ULK4: variants seen among roughly 807,000 people sequenced by gnomAD.
The protein encoded by ULK4 is inactive serine/threonine-protein kinase ULK4.
ULK4 carries 133 observed loss-of-function variants against 160.6 expected under a neutral mutation model. That is an observed-to-expected ratio of 0.83 (90% CI 0.72 to 0.96). The LOEUF (loss-of-function observed/expected upper bound fraction) is 0.96, where lower values mean the gene tolerates loss of function less well. ULK4 is among the 40% of genes least tolerant of loss of function. The pLI, the probability that ULK4 is intolerant of heterozygous loss-of-function variation, is 0.00. For missense variants in ULK4, 1,580 were observed against 1,499.5 expected, an observed-to-expected ratio of 1.05 and a Z score of -0.89; for synonymous variants, 534 against 539.8, an observed-to-expected ratio of 0.99 and a Z score of 0.15.
chr3:41,883,558 A>T lies in ULK4; in HGVS notation c.1656+316T>A, dbSNP rs565561541. Among the ~76,000 whole-genome samples, 14 of 152,386 alleles carry T rather than the reference A, an allele frequency of 9.2e-5. No homozygotes were observed. The East Asian group carries it at 2.7e-3, about 29-fold the overall frequency. On this transcript the variant is annotated intron_variant, in intron 17 of 36. Coordinates refer to ENST00000301831, the MANE Select transcript of ULK4 (RefSeq NM_017886.4). ...AATTGTAAGCTATGCTTTAACTAGG[A>T]AATACATTAGTCTGTTGGACAGACT...
intron 5 of ULK4, among the ~76,000 whole-genome samples, chr3:41,930,097 G>A (rs1373827327): frequency 6.6e-6 from 1 of 152,062 alleles, no homozygotes; most frequent in Non-Finnish European, 1.5e-5. Context: ...ATACTACAAG[G>A]CCACAGTAAC....
chr3:41,332,495 A>T (rs181638995), intron 35 of ULK4, among the ~76,000 whole-genome samples: 1 of 152,204 alleles, frequency 6.6e-6, no homozygotes, highest in Non-Finnish European at 1.5e-5. Flanking sequence ...TAACTGCTCA[A>T]CGGGTTAAGT....
chr3:41,456,369 C>T (rs1298150009), intron 33 of ULK4, among the ~76,000 whole-genome samples: 2 of 150,270 alleles, frequency 1.3e-5, no homozygotes, highest in Non-Finnish European at 3.0e-5. Flanking sequence ...CTCCTCTGAG[C>T]ATATTTATGC....
chr3:41,461,339 G>T (rs1290924488), intron 33 of ULK4, among the ~76,000 whole-genome samples: 1 of 152,192 alleles, frequency 6.6e-6, no homozygotes, highest in Non-Finnish European at 1.5e-5. Flanking sequence ...AATGGAAGGG[G>T]TGACTTAGGG....
At chr3:41,545,782 G>T (rs963363128) in intron 32 of ULK4, among the ~76,000 whole-genome samples, 1 of 152,040 alleles carries the variant, frequency 6.6e-6, no homozygotes, top group African/African-American at 2.4e-5. Context: ...CCTGGAAATT[G>T]TCCCATAGGC....
At chr3:41,483,576 T>C (rs2084402407) in intron 32 of ULK4, among the ~76,000 whole-genome samples, 2 of 152,186 alleles carry the variant, frequency 1.3e-5, no homozygotes. Flanking sequence ...CTTTCTGTTT[T>C]CCCTGGAATT....
At chr3:41,831,531 A>ATATATATAGAGAGATATAT in intron 18 of ULK4, among the ~76,000 whole-genome samples, 2 of 138,066 alleles carry the variant, frequency 1.4e-5, no homozygotes, top group Admixed American at 1.4e-4. Flanking sequence ...ATATATATAT[A>ATATATATAGAGAGATATAT]TTTTTTTTTC....
At chr3:41,320,790 A>G (rs549286783) in intron 35 of ULK4, among the ~76,000 whole-genome samples, 1 of 152,010 alleles carries the variant, frequency 6.6e-6, no homozygotes, top group African/African-American at 2.4e-5. Context: ...GGTGGTGCGC[A>G]CCTGTAATCC....
intron 21 of ULK4, among the ~76,000 whole-genome samples, chr3:41,768,327 T>C (rs1323284912): frequency 6.6e-6 from 1 of 152,210 alleles, no homozygotes; most frequent in African/African-American, 2.4e-5. Context: ...TTGTAGTAAA[T>C]ACTCCATCTA....
At chr3:41,676,163 T>C (rs752694607) in intron 29 of ULK4, among the ~76,000 whole-genome samples, 42 of 152,340 alleles carry the variant, frequency 2.8e-4, no homozygotes, top group Middle Eastern at 3.4e-3. Context: ...ACCAAGTTCA[T>C]GGTGATTTAT....
chr3:41,923,399 T>G (rs561732858), intron 5 of ULK4, among the ~76,000 whole-genome samples: 1 of 152,166 alleles, frequency 6.6e-6, no homozygotes, highest in Non-Finnish European at 1.5e-5. Context: ...CTTGGGAGAC[T>G]GAGACCAGAG....
intron 22 of ULK4, among the ~76,000 whole-genome samples, chr3:41,734,256 G>T (rs981787129): frequency 4.6e-5 from 7 of 151,932 alleles, no homozygotes; most frequent in Non-Finnish European, 7.4e-5. Flanking sequence ...TTAATTGAAT[G>T]AATAAGAAAA....
chr3:41,395,272 G>A (rs1404982026), intron 35 of ULK4, among the ~76,000 whole-genome samples: 2 of 151,186 alleles, frequency 1.3e-5, no homozygotes, highest in Non-Finnish European at 2.9e-5. Flanking sequence ...CAAATCTGGG[G>A]CAGCCGTGGA....
At position 41,373,493 on chromosome 3, in the gene ULK4, G is replaced by T. The variant is rs181583106; in HGVS notation, c.3678+24586C>A. ...CAGGGTTAAGAAACTCACTCAAAAC[G>T]GCACAACTACGTGGAAGCTGAACAA... On this transcript the variant is annotated intron_variant, in intron 35 of 36. Coordinates refer to ENST00000301831, the MANE Select transcript of ULK4 (RefSeq NM_017886.4). Among the ~76,000 whole-genome samples the T allele has an allele frequency of 5.9e-5, 9 of 152,062 alleles. No individual in the cohort carries two copies. In the East Asian group the frequency reaches 1.7e-3, roughly 29 times the overall value.
At chr3:41,532,985 C>A (rs1189632560) in intron 32 of ULK4, among the ~76,000 whole-genome samples, 4 of 152,188 alleles carry the variant, frequency 2.6e-5, no homozygotes, top group African/African-American at 7.2e-5. Context: ...CATGAGATTT[C>A]CAAGCCTAGG....
At chr3:41,782,227 G>C (rs998939113) in intron 21 of ULK4, among the ~76,000 whole-genome samples, 10 of 151,562 alleles carry the variant, frequency 6.6e-5, no homozygotes, top group Admixed American at 6.6e-4. Context: ...TTTTATGAGA[G>C]AGGGTTTGCA....
chr3:41,770,425 C>T (rs2039313650), intron 21 of ULK4, among the ~76,000 whole-genome samples: 1 of 151,994 alleles, frequency 6.6e-6, no homozygotes, highest in Admixed American at 6.6e-5. Flanking sequence ...TCCTTCACAT[C>T]CATAAAATAA....
chr3:41,739,517 T>C (rs910826118), intron 22 of ULK4, among the ~76,000 whole-genome samples: 3 of 151,890 alleles, frequency 2.0e-5, no homozygotes, highest in East Asian at 1.9e-4. Flanking sequence ...GCAACTCATA[T>C]ATATGCTGAT....
chr3:41,875,434 TG>T (rs1697262323), intron 17 of ULK4, among the ~76,000 whole-genome samples: 1 of 152,104 alleles, frequency 6.6e-6, no homozygotes, highest in East Asian at 1.9e-4. Flanking sequence ...AAGGCCAGCC[TG>T]GGCAACATAG....
Sources: allele counts gnomAD v4.1 joint callset (sites outside exome capture counted in the v4.1 genomes callset), GRCh38; gene constraint gnomAD v4.1.1; transcripts MANE v1.5; gene names NCBI Gene and HGNC (gene_info 2026-07-23, HGNC 2026-07-21).